HS6ST3: variants seen among roughly 807,000 people sequenced by gnomAD.
The protein encoded by HS6ST3 is heparan-sulfate 6-O-sulfotransferase 3.
Under a neutral mutation model 36.7 loss-of-function variants are expected in HS6ST3, and 12 were observed. The observed-to-expected ratio is 0.33, with a 90% CI of 0.21 to 0.53. HS6ST3 has a LOEUF of 0.53. Among genes scored for constraint, HS6ST3 ranks in the 20% least tolerant of loss-of-function variants. HS6ST3 has a pLI of 0.95. For synonymous variants in HS6ST3, 240 were observed against 257.5 expected (o/e 0.93, Z 0.65); for missense variants, 584 against 640.9 (o/e 0.91, Z 0.96).
At position 96,323,421 on chromosome 13, in the gene HS6ST3, T is replaced by C. The variant is rs9556561; in HGVS notation, c.707+231852T>C. On this transcript the variant is annotated intron_variant, in intron 1 of 1. Transcript: ENST00000376705. ...CTTCAAAACATACCCAGAGGATGAC[T>C]ACTCTTTGCCACCTTCACCACTACC... Among the ~76,000 whole-genome samples the C allele has an allele frequency of 1.1e-4, 17 of 152,372 alleles. 1 individual carries two copies. In the East Asian group the frequency reaches 3.3e-3, roughly 29 times the overall value.
At chr13:96,294,463 C>G (rs2054844816) in intron 1 of HS6ST3, among the ~76,000 whole-genome samples, 1 of 152,086 alleles carries the variant, frequency 6.6e-6, no homozygotes, top group African/African-American at 2.4e-5. Flanking sequence ...TTTGCAGTCA[C>G]ACTAGCCACA....
At chr13:96,666,420 T>C (rs1263392921) in intron 1 of HS6ST3, among the ~76,000 whole-genome samples, 4 of 152,200 alleles carry the variant, frequency 2.6e-5, no homozygotes, top group African/African-American at 9.6e-5. Flanking sequence ...TTTGATCTGG[T>C]AAGTCTGTCA....
chr13:96,443,380 A>G (rs546911484), intron 1 of HS6ST3, among the ~76,000 whole-genome samples: 2 of 152,096 alleles, frequency 1.3e-5, no homozygotes, highest in East Asian at 1.9e-4. Flanking sequence ...ATTACAAAAA[A>G]TTAGCCGGGC....
intron 1 of HS6ST3, among the ~76,000 whole-genome samples, chr13:96,301,963 AT>A (rs965965695): frequency 6.7e-6 from 1 of 149,538 alleles, no homozygotes; most frequent in African/African-American, 2.4e-5. Context: ...AGTAAGAAAA[AT>A]ATCTACCCTT....
intron 1 of HS6ST3, among the ~76,000 whole-genome samples, chr13:96,561,306 G>C (rs2056261232): frequency 6.6e-6 from 1 of 152,112 alleles, no homozygotes; most frequent in African/African-American, 2.4e-5. Context: ...TTGAATAAAT[G>C]GTGCTGAGAT....
intron 1 of HS6ST3, among the ~76,000 whole-genome samples, chr13:96,335,500 C>T (rs1792461856): frequency 6.6e-6 from 1 of 152,206 alleles, no homozygotes; most frequent in Admixed American, 6.5e-5. Context: ...TTTCTCATCC[C>T]TGTGGCTCTG....
chr13:96,338,384 C>T (rs2055112659), intron 1 of HS6ST3, among the ~76,000 whole-genome samples: 1 of 152,200 alleles, frequency 6.6e-6, no homozygotes, highest in Admixed American at 6.5e-5. Context: ...GCTCACACTT[C>T]TCTCTGCAGA....
intron 1 of HS6ST3, among the ~76,000 whole-genome samples, chr13:96,799,997 T>TGTATATATATATATAC (rs1878024041): frequency 9.6e-6 from 1 of 104,662 alleles, no homozygotes; most frequent in Non-Finnish European, 1.8e-5. Flanking sequence ...TATATATATA[T>TGTATATATATATATAC]GTATATATAT....
rs190780286 is a variant in HS6ST3 at position 96,182,780 on chromosome 13, C to A, written c.707+91211C>A. Among the ~76,000 whole-genome samples the A allele has an allele frequency of 3.5e-4, 53 of 151,982 alleles. 1 individual carries two copies. Among genetic ancestry groups the A allele is most frequent in the Non-Finnish European group, 1.0e-4 (7 of 68,026 alleles). On this transcript the variant is annotated intron_variant, in intron 1 of 1. Coordinates refer to ENST00000376705, the MANE Select transcript of HS6ST3 (RefSeq NM_153456.4). ...TTGCAAAATGATGTCCTGGTCTCAC[C>A]TTCTTATTTCTGAAGCCTCTCTTCT...
intron 1 of HS6ST3, among the ~76,000 whole-genome samples, chr13:96,220,365 A>T (rs1465463292): frequency 6.6e-6 from 1 of 152,052 alleles, no homozygotes. Flanking sequence ...AAAATTTCTG[A>T]TTTGTCTTCT....
chr13:96,553,504 T>C (rs1035758092), intron 1 of HS6ST3, among the ~76,000 whole-genome samples: 1 of 152,182 alleles, frequency 6.6e-6, no homozygotes, highest in Non-Finnish European at 1.5e-5. Flanking sequence ...GGAGGAACCC[T>C]TCCTTGAGTT....
chr13:96,716,229 G>T (rs1875691534), intron 1 of HS6ST3, among the ~76,000 whole-genome samples: 1 of 151,624 alleles, frequency 6.6e-6, no homozygotes, highest in Admixed American at 6.6e-5. Context: ...TCCATTGAGG[G>T]GCTAAAATGA....
intron 1 of HS6ST3, among the ~76,000 whole-genome samples, chr13:96,580,815 C>A (rs917106868): frequency 1.3e-5 from 2 of 152,140 alleles, no homozygotes; most frequent in African/African-American, 2.4e-5. Flanking sequence ...TAGATACATA[C>A]AAACCCACAG....
chr13:96,326,736 T>A (rs1210914385), intron 1 of HS6ST3, among the ~76,000 whole-genome samples: 2 of 152,098 alleles, frequency 1.3e-5, no homozygotes, highest in Non-Finnish European at 2.9e-5. Flanking sequence ...TAGTTCTAGA[T>A]CCCTGAGGAA....
intron 1 of HS6ST3, among the ~76,000 whole-genome samples, chr13:96,724,898 C>T (rs142610342): frequency 6.6e-6 from 1 of 152,300 alleles, no homozygotes; most frequent in Non-Finnish European, 1.5e-5. Flanking sequence ...GATGGAATGA[C>T]TGGATCATAT....
chr13:96,455,162 G>A (rs1327491093), intron 1 of HS6ST3, among the ~76,000 whole-genome samples: 1 of 152,138 alleles, frequency 6.6e-6, no homozygotes, highest in Non-Finnish European at 1.5e-5. Flanking sequence ...ACTCTTAAGA[G>A]GGAAGTAGAT....
intron 1 of HS6ST3, among the ~76,000 whole-genome samples, chr13:96,453,238 G>C (rs1389410271): frequency 1.3e-5 from 2 of 151,432 alleles, no homozygotes; most frequent in African/African-American, 2.4e-5. Context: ...CTTGCTACGT[G>C]GATATATTGT....
intron 1 of HS6ST3, among the ~76,000 whole-genome samples, chr13:96,367,508 T>C (rs541488736): frequency 2.0e-5 from 3 of 152,182 alleles, no homozygotes; most frequent in Non-Finnish European, 4.4e-5. Context: ...ACTGGTACAC[T>C]CTTACTATGC....
At chr13:96,393,581 A>G (rs2055406813) in intron 1 of HS6ST3, among the ~76,000 whole-genome samples, 1 of 152,216 alleles carries the variant, frequency 6.6e-6, no homozygotes, top group Admixed American at 6.5e-5. Flanking sequence ...TTGCTTGCCG[A>G]TAAAAATCTT....
Sources: gnomAD v4.1 joint callset for allele counts (sites outside exome capture counted in the v4.1 genomes callset) on GRCh38, gnomAD v4.1.1 for gene constraint, MANE v1.5 for transcripts, NCBI Gene and HGNC (gene_info 2026-07-23, HGNC 2026-07-21) for gene names.